Variants in PVT1 observed in about 807,000 individuals in gnomAD.
PVT1 encodes the protein Pvt1 oncogene.
At chr8:128,013,386 G>GTT (rs11403934) in intron 4 of PVT1, among the ~76,000 whole-genome samples, 9,651 of 151,156 alleles carry the variant, frequency 0.064, 837 homozygotes, top group African/African-American at 0.2. Flanking sequence ...TATTTTTCCT[G>GTT]TTTTTTTTTC....
In PVT1 at chr8:127,862,811, T is replaced by C. The variant is rs1303261295; in HGVS notation, n.373-27778T>C. On this transcript the variant is annotated intron_variant and non_coding_transcript_variant, in intron 2 of 10. Coordinates refer to ENST00000651587, the Ensembl canonical transcript of PVT1. ...TTTTCATGTTTATGGCTTATTTGTG[T>C]TTGTTAACTGGTCATTTCCTTTGGG... 3.9e-5 allele frequency among the ~76,000 whole-genome samples: 6 copies of C among 152,218 alleles called. No individual in the cohort carries two copies. The East Asian group carries it at 1.2e-3, about 29-fold the overall frequency.
At chr8:127,870,723 C>T (rs1457516293) in intron 2 of PVT1, among the ~76,000 whole-genome samples, 1 of 152,244 alleles carries the variant, frequency 6.6e-6, no homozygotes, top group Non-Finnish European at 1.5e-5. Flanking sequence ...CTCCCACTTA[C>T]TAGCTATGAG....
chr8:127,821,163 G>C (rs560929119), intron 2 of PVT1, among the ~76,000 whole-genome samples: 2 of 152,320 alleles, frequency 1.3e-5, no homozygotes, highest in South Asian at 4.1e-4. Flanking sequence ...AAGATACAGA[G>C]ATCAAGCCCG....
intron 3 of PVT1, among the ~76,000 whole-genome samples, chr8:127,901,947 A>C (rs971779275): frequency 2.0e-5 from 3 of 151,978 alleles, no homozygotes; most frequent in Non-Finnish European, 4.4e-5. Flanking sequence ...TTAGAAATAG[A>C]AAATTTGGAT....
intron 4 of PVT1, among the ~76,000 whole-genome samples, chr8:128,002,669 G>A (rs975830063): frequency 1.3e-5 from 2 of 152,042 alleles, no homozygotes; most frequent in Admixed American, 6.5e-5. Context: ...CTGTGTGTTT[G>A]TGTCCAAATT....
intron 2 of PVT1, among the ~76,000 whole-genome samples, chr8:127,825,795 T>C (rs1814781071): frequency 6.6e-6 from 1 of 152,150 alleles, no homozygotes; most frequent in South Asian, 2.1e-4. Flanking sequence ...GCTATATGGG[T>C]GTCCTCGAAA....
chr8:128,081,404 C>T (rs886285910), intron 5 of PVT1, among the ~76,000 whole-genome samples: 1 of 152,154 alleles, frequency 6.6e-6, no homozygotes, highest in African/African-American at 2.4e-5. Context: ...TGGGTAGACA[C>T]CAAGGAGCGC....
At chr8:127,809,883 G>C (rs992045368) in intron 2 of PVT1, among the ~76,000 whole-genome samples, 6 of 152,214 alleles carry the variant, frequency 3.9e-5, no homozygotes, top group African/African-American at 1.4e-4. Flanking sequence ...ATTTTGAAGA[G>C]AGATATCTCC....
chr8:127,866,967 G>C (rs1011329800), intron 2 of PVT1, among the ~76,000 whole-genome samples: 3 of 152,218 alleles, frequency 2.0e-5, no homozygotes, highest in Non-Finnish European at 4.4e-5. Flanking sequence ...TGTAAGGCTT[G>C]CATTCACTGA....
chr8:127,991,297 C>A (rs1239243743), intron 4 of PVT1, among the ~76,000 whole-genome samples: 1 of 152,026 alleles, frequency 6.6e-6, no homozygotes, highest in Non-Finnish European at 1.5e-5. Flanking sequence ...TGCCCACCAC[C>A]ACGCCTGGCT....
intron 2 of PVT1, among the ~76,000 whole-genome samples, chr8:127,809,052 A>AAAAAAAAAAAAAAAAAAAAAG (rs1554588311): frequency 1.5e-5 from 2 of 135,028 alleles, no homozygotes; most frequent in Admixed American, 7.1e-5. Context: ...AAAAAAAAAA[A>AAAAAAAAAAAAAAAAAAAAAG]AAAGAAAGAA....
At chr8:128,049,052 T>G (rs1303025638) in intron 4 of PVT1, 7 of 465,074 alleles carry the variant, frequency 1.5e-5, no homozygotes, top group Non-Finnish European at 3.0e-5. Context: ...TTTATCTGGC[T>G]TGGTAATATT....
chr8:127,871,835 T>A (rs1815354879), intron 2 of PVT1, among the ~76,000 whole-genome samples: 1 of 152,208 alleles, frequency 6.6e-6, no homozygotes, highest in Non-Finnish European at 1.5e-5. Flanking sequence ...ACGCCTGTAA[T>A]CCCAGCATTT....
chr8:128,065,927 C>G (rs1339726623), intron 4 of PVT1, among the ~76,000 whole-genome samples: 1 of 152,202 alleles, frequency 6.6e-6, no homozygotes, highest in Non-Finnish European at 1.5e-5. Context: ...ACACTGCCAA[C>G]AAGGCAGATA....
intron 2 of PVT1, among the ~76,000 whole-genome samples, chr8:127,874,627 T>C (rs1188620181): frequency 6.6e-6 from 1 of 152,212 alleles, no homozygotes; most frequent in South Asian, 2.1e-4. Context: ...GTGCAGTGTC[T>C]CTGATCTGAA....
intron 2 of PVT1, among the ~76,000 whole-genome samples, chr8:127,805,225 C>T (rs1563610002): frequency 6.6e-6 from 1 of 152,108 alleles, no homozygotes; most frequent in African/African-American, 2.4e-5. Flanking sequence ...CCACTGTGCC[C>T]AGCCGTCCAT....
chr8:127,928,333 C>CT (rs1011399790), intron 3 of PVT1, among the ~76,000 whole-genome samples: 1 of 152,120 alleles, frequency 6.6e-6, no homozygotes, highest in Non-Finnish European at 1.5e-5. Flanking sequence ...CCTCTGACCC[C>CT]CACCCTGCTT....
rs1398871993 is a variant in PVT1 at position 127,979,004 on chromosome 8, A to G, written n.783-10158A>G. 2.0e-5 allele frequency among the ~76,000 whole-genome samples: 3 copies of G among 152,220 alleles called. No individual in the cohort carries two copies. In the East Asian group the frequency reaches 5.8e-4, roughly 29 times the overall value. ...TGACCCTTCCGCCTTGGCGGTTGCCATTTTTAGCATTATTGTTATTTGGAC... is the reference window on the plus strand; with the variant it reads ...TGACCCTTCCGCCTTGGCGGTTGCCGTTTTTAGCATTATTGTTATTTGGAC... On this transcript the variant is annotated intron_variant and non_coding_transcript_variant, in intron 3 of 10. Coordinates refer to ENST00000651587, the Ensembl canonical transcript of PVT1.
chr8:127,862,105 T>A (rs1815234573), intron 2 of PVT1, among the ~76,000 whole-genome samples: 1 of 152,138 alleles, frequency 6.6e-6, no homozygotes, highest in South Asian at 2.1e-4. Flanking sequence ...CAAACTCTTT[T>A]AAAAAAATTT....
Sources: allele counts gnomAD v4.1 joint callset (sites outside exome capture counted in the v4.1 genomes callset), GRCh38; gene constraint gnomAD v4.1.1; transcripts MANE v1.5; gene names NCBI Gene and HGNC (gene_info 2026-07-23, HGNC 2026-07-21).